Variants in TYROBP observed in about 807,000 individuals in gnomAD.
TYROBP encodes transmembrane immune signaling adaptor TYROBP, also known as TYRO protein tyrosine kinase-binding protein.
Under a neutral mutation model 17.1 loss-of-function variants are expected in TYROBP, and 14 were observed. That is an observed-to-expected ratio of 0.82 (90% confidence interval 0.54 to 1.28). TYROBP has a LOEUF of 1.28. Among genes scored for constraint, TYROBP ranks in the 50% most tolerant of loss-of-function variants. The pLI is 0.00. For missense variants in TYROBP, 161 were observed against 151.4 expected, an observed-to-expected ratio of 1.06 and a Z score of -0.33; for synonymous variants, 73 against 67.4, an observed-to-expected ratio of 1.08 and a Z score of -0.41.
chr19:35,907,282 T>C lies in TYROBP; in HGVS notation c.230-18A>G. On this transcript the variant is annotated intron_variant, in intron 3 of 4. Transcript: ENST00000262629. ...GGTCGCTGCTGGAGGTGAGGGGTGT[T>C]GTGGGGTGCAGAGACAGGCAGAGTG... 6.2e-7 allele frequency: 1 copy of C among 1,612,078 alleles called. No individual in the cohort carries two copies.
intron 4 of TYROBP, among the ~76,000 whole-genome samples, chr19:35,905,952 CA>C (rs56359507): frequency 0.028 from 2,863 of 102,164 alleles, 46 homozygotes; most frequent in East Asian, 0.078. Context: ...GACTCCATCT[CA>C]AAAAAAAAAA....
Position 35,907,466 on chromosome 19 carries a change from C to G in TYROBP, c.209G>C (p.Arg70Pro). Reference protein sequence around the residue: ...AVYFLGRLVPRGRGAAEAATR... With the variant: ...AVYFLGRLVPPGRGAAEAATR... The stretch of plus-strand genomic sequence containing the variant: ...CTCACCCTCCGCAGCCCCTCGCCCC[C>G]GAGGGACCAGCCGGCCCAGGAAGTA... The change falls in exon 3 of 5, where the codon CGG becomes CCG. Residue 70 changes from arginine (R) to proline (P), a missense_variant. Transcript: ENST00000262629. 1.2e-6 allele frequency: 2 copies of G among 1,613,390 alleles called. No homozygotes were observed. The highest frequency in any genetic ancestry group is 8.5e-7 in the Non-Finnish European group (1 of 1,179,936).
At position 35,907,516 on chromosome 19, in the gene TYROBP, C is replaced by G; in HGVS notation, c.159G>C (p.Leu53=). 6.2e-7 allele frequency: 1 copy of G among 1,613,756 alleles called. No individual in the cohort carries two copies. The highest frequency in any genetic ancestry group is 1.1e-5 in the South Asian group (1 of 91,080). ...ACACGGCCAGGGCAATGAGCACTGT[C>G]AGCACCAGGTCTCCCATCACGATCC... is the stretch of plus-strand genomic sequence containing the variant. ...LAGIVMGDLV[L]TVLIALAVYF... Residue 53 remains leucine (L), a synonymous_variant, in exon 3 of 5, where the codon CTG becomes CTC. Coordinates refer to ENST00000262629, the MANE Select transcript of TYROBP (RefSeq NM_003332.4).
At chr19:35,905,727 G>A (rs1394432189) in intron 4 of TYROBP, among the ~76,000 whole-genome samples, 2 of 151,658 alleles carry the variant, frequency 1.3e-5, no homozygotes, top group Admixed American at 1.3e-4. Flanking sequence ...GGGAAAGGTG[G>A]GCGGATCACG....
intron 4 of TYROBP, 118 bp downstream of exon 4, chr19:35,907,100 G>T: frequency 9.9e-7 from 1 of 1,005,854 alleles, no homozygotes; most frequent in Non-Finnish European, 1.5e-6. Flanking sequence ...GTGCCTTCAA[G>T]GTTTGGGGGT....
chr19:35,905,731 G>T (rs1386670715), intron 4 of TYROBP, among the ~76,000 whole-genome samples: 3 of 151,680 alleles, frequency 2.0e-5, no homozygotes, highest in Non-Finnish European at 2.9e-5. Context: ...AAGGTGGGCG[G>T]ATCACGAGGT....
At chr19:35,907,370 G>C in intron 3 of TYROBP, 76 bp downstream of exon 3, 2 of 1,604,778 alleles carry the variant, frequency 1.2e-6, no homozygotes, top group Non-Finnish European at 1.7e-6. Context: ...TTGGATGTTT[G>C]AGATCTGGGA....
intron 4 of TYROBP, among the ~76,000 whole-genome samples, chr19:35,906,339 T>C (rs1003812695): frequency 6.6e-6 from 1 of 152,094 alleles, no homozygotes; most frequent in African/African-American, 2.4e-5. Flanking sequence ...TCCACCCACC[T>C]TGGCCTCCCA....
Position 35,907,215 on chromosome 19 carries a change from C to T in TYROBP, c.276+3G>A, listed in dbSNP as rs1489092175. 1.2e-6 allele frequency: 2 copies of T among 1,600,406 alleles called. No homozygotes were observed. Among genetic ancestry groups the T allele is most frequent in the Non-Finnish European group, 1.7e-6 (2 of 1,173,964 alleles). ...TGTGAGGAGGACAGTCTGGTTTTCT[C>T]ACCTGATAAGGCGACTCGGTCTCAG... On this transcript the variant is annotated splice_donor_region_variant and intron_variant, in intron 4 of 4. Transcript: ENST00000262629.
intron 4 of TYROBP, among the ~76,000 whole-genome samples, chr19:35,905,897 G>C (rs113535461): frequency 0.11 from 16,699 of 149,134 alleles, 2,039 homozygotes; most frequent in African/African-American, 0.31. Context: ...AGGTTGCAGT[G>C]AGCTGAGACC....
Position 35,907,742 on chromosome 19 carries a change from G to A in TYROBP, c.82C>T (p.Gln28Ter). ...GGTCTAGGCCTACCGCTCTGGGCCT[G>A]GGCCTGGACAGGACGGAGACCTGAG... ...AVSGLRPVQA[Q>*]AQSDCSCSTV... Residue 28 changes from glutamine to a stop codon, truncating the protein, a stop_gained, in exon 2 of 5, where the codon CAG (glutamine) becomes TAG (stop). Transcript: ENST00000262629. LOFTEE classifies it high-confidence loss of function. 2 of 1,614,096 alleles carry A rather than the reference G, an allele frequency of 1.2e-6. No individual in the cohort carries two copies. Among genetic ancestry groups the A allele is most frequent in the South Asian group, 1.1e-5 (1 of 91,070 alleles).
intron 4 of TYROBP, among the ~76,000 whole-genome samples, chr19:35,905,577 C>A (rs117745591): frequency 0.011 from 1,674 of 151,654 alleles, 20 homozygotes; most frequent in East Asian, 0.069. Flanking sequence ...CTTTGGGAGA[C>A]CGAGGTAACA....
chr19:35,905,579 G>C (rs77479541), intron 4 of TYROBP, among the ~76,000 whole-genome samples: 17 of 151,704 alleles, frequency 1.1e-4, no homozygotes, highest in African/African-American at 2.9e-4. Flanking sequence ...TTGGGAGACC[G>C]AGGTAACAGG....
In TYROBP at chr19:35,907,435, G is replaced by A. The variant is rs775196278; in HGVS notation, c.229+11C>T. On this transcript the variant is annotated intron_variant, in intron 3 of 4. Transcript: ENST00000262629. ...CAAGTCCTCAGGATGTCCCCTGCTA[G>A]CCCCACTCACCCTCCGCAGCCCCTC... The A allele has an allele frequency of 2.5e-6, 4 of 1,610,760 alleles. No individual in the cohort carries two copies. In the East Asian group the frequency reaches 8.9e-5, roughly 36 times the overall value.
At chr19:35,908,076 C>A (rs1246510874) in intron 1 of TYROBP, 92 bp downstream of exon 1, 2 of 1,162,226 alleles carry the variant, frequency 1.7e-6, no homozygotes, top group East Asian at 2.5e-5. Context: ...TCCCAACACC[C>A]ACTTTTGGTT....
At chr19:35,906,875 C>T (rs534412791) in intron 4 of TYROBP, among the ~76,000 whole-genome samples, 12 of 152,090 alleles carry the variant, frequency 7.9e-5, no homozygotes, top group Admixed American at 5.9e-4. Context: ...TACAGGCATG[C>T]GTTACCACGC....
rs55746266 is a variant in TYROBP at position 35,907,720 on chromosome 19, C to G, written c.94+10G>C. The G allele has an allele frequency of 8.6e-3, 13,830 of 1,614,012 alleles. 94 individuals are homozygous for G. Among genetic ancestry groups the G allele is most frequent in the Admixed American group, 9.7e-3 (584 of 60,008 alleles). ...GAGGTAGAGAGAGGGACTGCTGGGT[C>G]TAGGCCTACCGCTCTGGGCCTGGGC... On this transcript the variant is annotated intron_variant, in intron 2 of 4. Coordinates refer to ENST00000262629, the MANE Select transcript of TYROBP (RefSeq NM_003332.4).
intron 1 of TYROBP, 135 bp downstream of exon 1, chr19:35,908,033 C>T: frequency 1.2e-6 from 1 of 868,712 alleles, no homozygotes; most frequent in Non-Finnish European, 1.9e-6. Flanking sequence ...GGGAGAAACC[C>T]ACAGGCTTTG....
chr19:35,907,745 C>T lies in TYROBP; in HGVS notation c.79G>A (p.Ala27Thr), dbSNP rs780898439. ...CTAGGCCTACCGCTCTGGGCCTGGG[C>T]CTGGACAGGACGGAGACCTGAGGAG... ...LAVSGLRPVQ[A>T]QAQSDCSCST... The change falls in exon 2 of 5, where the codon GCC becomes ACC. Residue 27 changes from alanine (A) to threonine (T), a missense_variant. Transcript: ENST00000262629. 69 of 1,613,536 alleles carry T rather than the reference C, an allele frequency of 4.3e-5. No individual in the cohort carries two copies. Among genetic ancestry groups the T allele is most frequent in the Non-Finnish European group, 5.6e-5 (66 of 1,179,792 alleles).
Sources: allele counts gnomAD v4.1 joint callset (sites outside exome capture counted in the v4.1 genomes callset), GRCh38; gene constraint gnomAD v4.1.1; transcripts MANE v1.5; gene names NCBI Gene and HGNC (gene_info 2026-07-23, HGNC 2026-07-21).